Variants in NAALADL2 observed in about 807,000 individuals in gnomAD.
The protein encoded by NAALADL2 is N-acetylated alpha-linked acidic dipeptidase like 2.
A neutral mutation model predicts 87.2 loss-of-function variants in NAALADL2; 76 were observed. That is an observed-to-expected ratio of 0.87 (90% CI 0.72 to 1.05). NAALADL2 has a LOEUF of 1.05. NAALADL2 is among the 50% of genes least tolerant of loss of function. The pLI is 0.00. For missense variants in NAALADL2, 1,089 were observed against 945.8 expected (o/e 1.15, Z -1.99); for synonymous variants, 354 against 331.0 (o/e 1.07, Z -0.75).
chr3:175,336,667 C>G (rs1377919387), intron 5 of NAALADL2, among the ~76,000 whole-genome samples: 1 of 152,150 alleles, frequency 6.6e-6, no homozygotes, highest in Non-Finnish European at 1.5e-5. Context: ...GATTGTTTAA[C>G]AATTGAAGTT....
chr3:175,692,660 T>A (rs1012555109), intron 11 of NAALADL2, among the ~76,000 whole-genome samples: 8 of 152,104 alleles, frequency 5.3e-5, no homozygotes, highest in Admixed American at 4.6e-4. Context: ...TACTGTGAAG[T>A]TTTCATCCAC....
At chr3:175,033,943 A>G (rs1753092430) in intron 1 of NAALADL2, among the ~76,000 whole-genome samples, 1 of 151,932 alleles carries the variant, frequency 6.6e-6, no homozygotes, top group Admixed American at 6.6e-5. Flanking sequence ...CTCAGATAAA[A>G]CATTTCTAAA....
chr3:175,187,798 C>G (rs1737569403), intron 2 of NAALADL2, among the ~76,000 whole-genome samples: 1 of 152,114 alleles, frequency 6.6e-6, no homozygotes, highest in African/African-American at 2.4e-5. Context: ...GGCCAAGCAC[C>G]ACTCTGGGCT....
rs552751347 is a variant in NAALADL2 at position 174,830,959 on chromosome 3, T to C, written c.-9+93213T>C. Among the ~76,000 whole-genome samples, 595 of 151,204 alleles carry C rather than the reference T, an allele frequency of 3.9e-3. 2 individuals are homozygous for C. Among genetic ancestry groups the C allele is most frequent in the Middle Eastern group, 0.02 (6 of 294 alleles). ...TTGTGATTTTTGTACATTGATTTTG[T>C]ATCCTGAGACTTTGCTGAAGTTGCT... On this transcript the variant is annotated intron_variant, in intron 3 of 3. Transcript: ENST00000434257.
chr3:175,197,293 T>A (rs1353194560), intron 2 of NAALADL2, among the ~76,000 whole-genome samples: 1 of 152,082 alleles, frequency 6.6e-6, no homozygotes, highest in African/African-American at 2.4e-5. Context: ...TGTGTGCATA[T>A]GTTTTAATAA....
intron 11 of NAALADL2, among the ~76,000 whole-genome samples, chr3:175,698,793 A>C (rs1398289702): frequency 6.6e-6 from 1 of 151,868 alleles, no homozygotes; most frequent in Non-Finnish European, 1.5e-5. Flanking sequence ...TAGAGAATTC[A>C]GTGAAATAAT....
rs147422416 is a variant in NAALADL2 at position 175,701,856 on chromosome 3, A to G, written c.1897-35450A>G. 6.4e-3 allele frequency among the ~76,000 whole-genome samples: 975 copies of G among 152,292 alleles called. 15 individuals carry two copies. Among genetic ancestry groups the G allele is most frequent in the African/African-American group, 0.022 (914 of 41,572 alleles). On this transcript the variant is annotated intron_variant, in intron 11 of 13. Coordinates refer to ENST00000454872, the MANE Select transcript of NAALADL2 (RefSeq NM_207015.3). ...TCTATTTAGGTAATATTAACACTGC[A>G]TTCCATTTTTCTGTCTTTTTGTTGC...
chr3:174,709,660 C>G (rs1157913341), intron 2 of NAALADL2, among the ~76,000 whole-genome samples: 1 of 152,062 alleles, frequency 6.6e-6, no homozygotes, highest in Non-Finnish European at 1.5e-5. Flanking sequence ...TGTTTATAGA[C>G]TGGAGACAGA....
In NAALADL2 at chr3:174,914,735, A is replaced by T. The variant is rs186366077; in HGVS notation, c.43+55285A>T. On this transcript the variant is annotated intron_variant, in intron 1 of 13. Transcript: ENST00000454872. ...AAACCTCAAAAGACATTGTAATGCA[A>T]TTTTATTAAAGATTAATTTATTGGA... Among the ~76,000 whole-genome samples, 52 of 152,284 alleles carry T rather than the reference A, an allele frequency of 3.4e-4. 1 individual carries two copies. The highest frequency in any genetic ancestry group is 1.2e-3 in the African/African-American group (49 of 41,582).
chr3:175,518,404 C>A (rs1732177437), intron 9 of NAALADL2, among the ~76,000 whole-genome samples: 1 of 152,206 alleles, frequency 6.6e-6, no homozygotes, highest in African/African-American at 2.4e-5. Context: ...TTTACGTCTT[C>A]TTTACTCTTA....
At chr3:175,287,170 G>A (rs1033985161) in intron 4 of NAALADL2, among the ~76,000 whole-genome samples, 7 of 152,012 alleles carry the variant, frequency 4.6e-5, no homozygotes, top group Non-Finnish European at 8.8e-5. Context: ...ATTTCTTTTA[G>A]TAGTGTTAAC....
At chr3:175,694,589 A>G (rs1370549946) in intron 11 of NAALADL2, among the ~76,000 whole-genome samples, 1 of 152,112 alleles carries the variant, frequency 6.6e-6, no homozygotes, top group Non-Finnish European at 1.5e-5. Context: ...CCAATGCTAT[A>G]TACTTTGACT....
chr3:175,453,715 T>G (rs1721910351), intron 6 of NAALADL2, among the ~76,000 whole-genome samples: 1 of 152,136 alleles, frequency 6.6e-6, no homozygotes, highest in Non-Finnish European at 1.5e-5. Flanking sequence ...CAGTGTTCTA[T>G]GAGTATTTGA....
At chr3:174,930,215 G>A (rs528833315) in intron 1 of NAALADL2, among the ~76,000 whole-genome samples, 93 of 152,238 alleles carry the variant, frequency 6.1e-4, no homozygotes, top group African/African-American at 2.2e-3. Flanking sequence ...GGCAAGGTCA[G>A]TTTGGGCAGT....
At chr3:175,604,652 G>T (rs4597721) in intron 10 of NAALADL2, among the ~76,000 whole-genome samples, 113,975 of 151,960 alleles carry the variant, frequency 0.75, 42,952 homozygotes, top group East Asian at 0.88. Context: ...TAATAAAATA[G>T]TCCTCATTTT....
At chr3:174,817,813 GTCAA>G (rs1434103173) in intron 3 of NAALADL2, among the ~76,000 whole-genome samples, 1 of 151,990 alleles carries the variant, frequency 6.6e-6, no homozygotes, top group Non-Finnish European at 1.5e-5. Flanking sequence ...TATGTCCATT[GTCAA>G]TCAGCATTTC....
intron 3 of NAALADL2, among the ~76,000 whole-genome samples, chr3:174,775,050 T>G (rs1366487343): frequency 6.6e-6 from 1 of 152,128 alleles, no homozygotes; most frequent in African/African-American, 2.4e-5. Flanking sequence ...GCCACTGTTA[T>G]GAGTATAATC....
chr3:175,392,533 G>A (rs756296270), intron 5 of NAALADL2, among the ~76,000 whole-genome samples: 2 of 152,100 alleles, frequency 1.3e-5, no homozygotes, highest in Non-Finnish European at 2.9e-5. Context: ...ACTTTTAGAT[G>A]TAATTCTTGA....
chr3:174,821,540 C>T (rs760622421), intron 3 of NAALADL2, among the ~76,000 whole-genome samples: 14 of 151,822 alleles, frequency 9.2e-5, no homozygotes, highest in Non-Finnish European at 2.1e-4. Flanking sequence ...GCCTGTTTTC[C>T]CCTGGTGAGC....
Sources: allele counts gnomAD v4.1 joint callset (sites outside exome capture counted in the v4.1 genomes callset), GRCh38; gene constraint gnomAD v4.1.1; transcripts MANE v1.5; gene names NCBI Gene and HGNC (gene_info 2026-07-23, HGNC 2026-07-21).